PKM: variants seen among roughly 807,000 people sequenced by gnomAD.
The protein encoded by PKM is pyruvate kinase PKM.
Under a neutral mutation model 49.8 loss-of-function variants are expected in PKM, and 18 were observed. The observed-to-expected ratio is 0.36, with a 90% CI of 0.25 to 0.54. The LOEUF is 0.54. Among genes scored for constraint, PKM ranks in the 20% least tolerant of loss-of-function variants. PKM has a pLI of 0.89. For synonymous variants in PKM, 239 were observed against 261.8 expected (o/e 0.91, Z 0.84); for missense variants, 508 against 713.8 (o/e 0.71, Z 3.28).
upstream of PKM, chr15:72,231,498 A>G (rs1050417485): frequency 6.6e-6 from 1 of 151,938 alleles, no homozygotes; most frequent in Non-Finnish European, 1.5e-5. Context: ...TTCCTCCCAG[A>G]CCCCCGGGCG....
At chr15:72,231,059 T>G in intron 1 of PKM, 57 bp downstream of exon 1, 1 of 810,258 alleles carries the variant, frequency 1.2e-6, no homozygotes, top group Non-Finnish European at 1.8e-6. Context: ...GATTCCGCAC[T>G]AGCCGGGCGA....
chr15:72,217,415 A>G lies in PKM; in HGVS notation c.240T>C (p.Thr80=). The G allele has an allele frequency of 6.3e-7, 1 of 1,587,660 alleles. No homozygotes were observed. The highest frequency in any genetic ancestry group is 1.1e-5 in the South Asian group (1 of 90,578). The part of the protein sequence containing the change: ...NVARLNFSHG[T]HEYHAETIKN... ...GGGTCCAGCCACAGCTCACCTCATGAGTTCCATGAGAGAAGTTCAGACGAG... is the reference window on the plus strand; with the variant it reads ...GGGTCCAGCCACAGCTCACCTCATGGGTTCCATGAGAGAAGTTCAGACGAG... Residue 80 remains threonine, a synonymous_variant, in exon 3 of 11, where the codon ACT becomes ACC. Transcript: ENST00000335181.
intron 1 of PKM, chr15:72,229,635 G>T: frequency 7.9e-6 from 10 of 1,260,866 alleles, no homozygotes; most frequent in South Asian, 1.2e-5. Context: ...GAGACCTTAC[G>T]AGGCTTCCTG....
At chr15:72,230,968 C>T in intron 1 of PKM, 148 bp downstream of exon 1, 9 of 1,286,270 alleles carry the variant, frequency 7.0e-6, no homozygotes, top group Non-Finnish European at 9.1e-6. Context: ...CCGTTCTCCT[C>T]TCTCTGAGCT....
chr15:72,229,525 A>C (rs1471360631), intron 1 of PKM: 2 of 1,279,840 alleles, frequency 1.6e-6, no homozygotes, highest in East Asian at 1.1e-4. Flanking sequence ...ACGTAGATTA[A>C]GAAGCCAAGG....
intron 5 of PKM, 143 bp from the exon 6 acceptor site, chr15:72,209,034 T>C: frequency 1.2e-6 from 1 of 837,868 alleles, no homozygotes; most frequent in Non-Finnish European, 2.0e-6. Context: ...GAAAACCTAC[T>C]ACACTGTGTA....
chr15:72,229,607 G>C, intron 1 of PKM: 4 of 1,280,536 alleles, frequency 3.1e-6, no homozygotes, highest in Non-Finnish European at 4.1e-6. Flanking sequence ...TTCTAATCCA[G>C]TGTGCTTGCC....
In PKM at chr15:72,199,714, A is replaced by C; in HGVS notation, c.1532T>G (p.Val511Gly). The change falls in exon 11 of 11, where the codon GTG becomes GGG. Residue 511 changes from valine to glycine, a missense_variant. Coordinates refer to ENST00000335181, the MANE Select transcript of PKM (RefSeq NM_002654.6). ...GFFKKGDVVI[V>G]LTGWRPGSGF... Reference sequence around the variant, plus strand: ...GGAGCCAGGGCGCCATCCGGTCAGCACAATGACCACATCTCCCTTCTTGAA... The same window carrying C: ...GGAGCCAGGGCGCCATCCGGTCAGCCCAATGACCACATCTCCCTTCTTGAA... 1 of 1,614,058 alleles carries C rather than the reference A, an allele frequency of 6.2e-7. No individual in the cohort carries two copies. The highest frequency in any genetic ancestry group is 8.5e-7 in the Non-Finnish European group (1 of 1,179,918).
intron 6 of PKM, 21 bp from the exon 7 acceptor site, chr15:72,207,298 G>T: frequency 1.9e-6 from 3 of 1,613,162 alleles, no homozygotes; most frequent in East Asian, 2.2e-5. Context: ...AAGTTGGGGG[G>T]AGAGAGGTTA....
chr15:72,202,436 G>A lies in PKM; in HGVS notation c.1307+18C>T. 1 of 1,608,358 alleles carries A rather than the reference G, an allele frequency of 6.2e-7. No individual in the cohort carries two copies. ...ACCACTGAGCAGGGCATTCCAGGGA[G>A]CCGCTGCCGCCTCCTACCTGCCAGA... On this transcript the variant is annotated intron_variant, in intron 9 of 10. Transcript: ENST00000335181. This position sits in a 1 kb window ranked among gnomAD's most constrained non-coding sequence, Gnocchi z 4.5.
chr15:72,200,538 C>T lies in PKM; in HGVS notation c.1425G>A (p.Lys475=), dbSNP rs1445475575. The T allele has an allele frequency of 6.2e-7, 1 of 1,613,948 alleles. No homozygotes were observed. Among genetic ancestry groups the T allele is most frequent in the East Asian group, 2.2e-5 (1 of 44,864 alleles). ...CAGCCCAGGCCTCCTGGACTGGGTCCTTGCACAGCACAGGGAAGATGCCAC... is the reference window on the plus strand; with the variant it reads ...CAGCCCAGGCCTCCTGGACTGGGTCTTTGCACAGCACAGGGAAGATGCCAC... ...LYRGIFPVLC[K]DPVQEAWAED... Residue 475 remains lysine, a synonymous_variant, in exon 10 of 11, where the codon AAG becomes AAA. Coordinates refer to ENST00000335181, the MANE Select transcript of PKM (RefSeq NM_002654.6). The surrounding 1 kb of genome is among the most constrained non-coding windows in gnomAD (Gnocchi z 4.6).
chr15:72,230,039 A>G (rs1426074139), intron 1 of PKM, among the ~76,000 whole-genome samples: 1 of 152,156 alleles, frequency 6.6e-6, no homozygotes, highest in Non-Finnish European at 1.5e-5. Context: ...ACGAGGCCCA[A>G]GGCCATCGCC....
chr15:72,230,121 C>G lies in PKM; in HGVS notation c.-14+995G>C, dbSNP rs899022646. 2.0e-5 allele frequency among the ~76,000 whole-genome samples: 3 copies of G among 152,244 alleles called. No individual in the cohort carries two copies. The South Asian group carries it at 6.2e-4, about 32-fold the overall frequency. On this transcript the variant is annotated intron_variant, in intron 1 of 10. Transcript: ENST00000335181. Reference sequence around the variant, plus strand: ...GCCGCGGCGAGATGGAGCGTGGTCCCTGGCGGCCACCCGGCAAGGGCCGGT... The same window carrying G: ...GCCGCGGCGAGATGGAGCGTGGTCCGTGGCGGCCACCCGGCAAGGGCCGGT...
At chr15:72,207,866 A>C (rs1470824423) in intron 6 of PKM, among the ~76,000 whole-genome samples, 3 of 152,100 alleles carry the variant, frequency 2.0e-5, no homozygotes, top group African/African-American at 7.3e-5. Flanking sequence ...TCAGACAGTA[A>C]GGCCACTACA....
chr15:72,200,148 A>G lies in PKM; in HGVS notation c.1489+326T>C, dbSNP rs1037043896. Among the ~76,000 whole-genome samples, 8 of 152,056 alleles carry G rather than the reference A, an allele frequency of 5.3e-5. No individual in the cohort carries two copies. Among genetic ancestry groups the G allele is most frequent in the African/African-American group, 1.9e-4 (8 of 41,378 alleles). The stretch of plus-strand genomic sequence containing the variant: ...AATTTTATTTAAAAAAAAAACAAAA[A>G]ACAAAAAAAACTCTCAGTAATGAGC... On this transcript the variant is annotated intron_variant, in intron 10 of 10. Coordinates refer to ENST00000335181, the MANE Select transcript of PKM (RefSeq NM_002654.6). This position sits in a 1 kb window ranked among gnomAD's most constrained non-coding sequence, Gnocchi z 4.6.
In PKM at chr15:72,210,327, G is replaced by C; in HGVS notation, c.378+20C>G. 2 of 1,611,690 alleles carry C rather than the reference G, an allele frequency of 1.2e-6. No individual in the cohort carries two copies. The highest frequency in any genetic ancestry group is 1.7e-6 in the Non-Finnish European group (2 of 1,178,272). ...ATATTGCCTACTGAGCCTTCCCCTC[G>C]CTCTCCGCAGAATACTCACGCCCTT... On this transcript the variant is annotated intron_variant, in intron 4 of 10. Transcript: ENST00000335181.
chr15:72,228,764 GGA>G, intron 1 of PKM: 1 of 469,540 alleles, frequency 2.1e-6, no homozygotes, highest in African/African-American at 2.0e-5. Context: ...CTGCAGCAGG[GGA>G]GTCCTGACCT....
chr15:72,205,624 G>GTTTTTTTT (rs140232218), intron 8 of PKM, among the ~76,000 whole-genome samples: 59 of 99,654 alleles, frequency 5.9e-4, no homozygotes, highest in Admixed American at 9.0e-4. Flanking sequence ...GGGTGTTTTA[G>GTTTTTTTT]TTTTTTTTTT....
In PKM at chr15:72,202,242, T is replaced by C; in HGVS notation, c.1307+212A>G. On this transcript the variant is annotated intron_variant, in intron 9 of 10. Coordinates refer to ENST00000335181, the MANE Select transcript of PKM (RefSeq NM_002654.6). The surrounding 1 kb of genome is among the most constrained non-coding windows in gnomAD (Gnocchi z 4.5). ...AGCATAAATTTGCTTTTGATCCAAA[T>C]GTTCTGACATTCCTTATGAGTGCTA... The C allele has an allele frequency of 1.7e-6, 1 of 596,542 alleles. No homozygotes were observed. Among genetic ancestry groups the C allele is most frequent in the South Asian group, 2.0e-5 (1 of 51,026 alleles). The allele number at this position is 596,542 out of a possible 1,614,324, so 37.0% of individuals were successfully genotyped here. A position where few individuals can be genotyped will look rare whatever the true frequency, so the allele number is the denominator to read the frequency against.
Sources: allele counts gnomAD v4.1 joint callset (sites outside exome capture counted in the v4.1 genomes callset), GRCh38; gene constraint gnomAD v4.1.1; non-coding constraint Gnocchi (gnomAD v3.1); transcripts MANE v1.5; gene names NCBI Gene and HGNC (gene_info 2026-07-23, HGNC 2026-07-21).